CSPP1: variants seen among roughly 807,000 people sequenced by gnomAD.
The protein encoded by CSPP1 is centrosome and spindle pole associated protein 1.
A neutral mutation model predicts 164.4 loss-of-function variants in CSPP1; 126 were observed. That is an observed-to-expected ratio of 0.77 (90% confidence interval 0.66 to 0.89). The LOEUF is 0.89. Ranked by LOEUF, CSPP1 falls within the 40% of genes least tolerant of loss-of-function variation. The probability of loss-of-function intolerance (pLI) is 0.00; values close to 1 mark genes in which losing one functional copy is unlikely to be tolerated. For synonymous variants in CSPP1, 472 were observed against 476.7 expected, an observed-to-expected ratio of 0.99 and a Z score of 0.13; for missense variants, 1,395 against 1,449.8, an observed-to-expected ratio of 0.96 and a Z score of 0.61.
intron 25 of CSPP1, 177 bp downstream of exon 25, chr8:67,172,732 A>G (rs1303531343): frequency 5.5e-6 from 3 of 547,322 alleles, no homozygotes; most frequent in African/African-American, 3.8e-5. Context: ...AGTCTGGTAG[A>G]TGAAGCTTTA....
At chr8:67,144,807 G>A (rs147340036) in intron 17 of CSPP1, among the ~76,000 whole-genome samples, 2 of 151,902 alleles carry the variant, frequency 1.3e-5, no homozygotes, top group African/African-American at 4.8e-5. Context: ...GGCGGCTCAC[G>A]CCTGTAATCC....
chr8:67,134,342 C>A (rs1821805288), intron 16 of CSPP1: 1 of 152,148 alleles, frequency 6.6e-6, no homozygotes, highest in Non-Finnish European at 1.5e-5. Flanking sequence ...AGCATGACAA[C>A]AACATTAACC....
intron 17 of CSPP1, 147 bp from the exon 18 acceptor site, chr8:67,149,636 C>T (rs374146338): frequency 4.0e-5 from 20 of 495,608 alleles, no homozygotes; most frequent in East Asian, 3.9e-4. Context: ...TTTTGTTTCT[C>T]TTTTCAGGGC....
chr8:67,169,994 G>T (rs114438362), intron 24 of CSPP1, among the ~76,000 whole-genome samples: 2,304 of 151,982 alleles, frequency 0.015, 62 homozygotes, highest in African/African-American at 0.053. Flanking sequence ...GCAATACGTC[G>T]GCTTCTCAAA....
At chr8:67,088,125 G>A (rs541076573) in intron 4 of CSPP1, among the ~76,000 whole-genome samples, 1 of 151,966 alleles carries the variant, frequency 6.6e-6, no homozygotes, top group South Asian at 2.1e-4. Context: ...TTTTCCTCTG[G>A]TATCAGATAT....
chr8:67,077,510 T>C (rs1375866514), intron 3 of CSPP1, among the ~76,000 whole-genome samples: 4 of 152,090 alleles, frequency 2.6e-5, no homozygotes, highest in Non-Finnish European at 5.9e-5. Context: ...TAATTGTTTA[T>C]ATTTTTGGTA....
intron 17 of CSPP1, among the ~76,000 whole-genome samples, chr8:67,143,662 T>G (rs1823932716): frequency 6.6e-6 from 1 of 152,162 alleles, no homozygotes; most frequent in Admixed American, 6.6e-5. Context: ...ATTGTTTCCC[T>G]AAATATTTCA....
chr8:67,106,555 T>C (rs891286906), intron 9 of CSPP1, among the ~76,000 whole-genome samples: 4 of 152,226 alleles, frequency 2.6e-5, no homozygotes, highest in Admixed American at 6.5e-5. Context: ...GAAGGTGTTT[T>C]GTTCAAATCG....
At chr8:67,077,703 A>G (rs1422815166) in intron 3 of CSPP1, among the ~76,000 whole-genome samples, 1 of 152,242 alleles carries the variant, frequency 6.6e-6, no homozygotes, top group Admixed American at 6.5e-5. Flanking sequence ...TCACAAAAAG[A>G]AAATCAACTA....
chr8:67,111,928 A>C, intron 9 of CSPP1, 44 bp from the exon 10 acceptor site: 1 of 1,223,474 alleles, frequency 8.2e-7, no homozygotes, highest in Non-Finnish European at 1.2e-6. Context: ...ATTGCATACG[A>C]TGCTTAAGAG....
chr8:67,078,845 G>A (rs972292028), intron 3 of CSPP1, among the ~76,000 whole-genome samples: 1 of 151,950 alleles, frequency 6.6e-6, no homozygotes, highest in African/African-American at 2.4e-5. Context: ...TGGTGGCGCA[G>A]GCCTATAATC....
At chr8:67,104,450 G>A (rs759764026) in intron 8 of CSPP1, among the ~76,000 whole-genome samples, 10 of 151,812 alleles carry the variant, frequency 6.6e-5, no homozygotes, top group South Asian at 2.1e-4. Context: ...AAATTTTTTT[G>A]TAGAGTCAGG....
At position 67,076,619 on chromosome 8, in the gene CSPP1, C is replaced by T. The variant is rs999113119; in HGVS notation, c.199+38C>T. On this transcript the variant is annotated intron_variant, in intron 3 of 30. Transcript: ENST00000678616. ...ATGTGCTAAACTTATTTTAAGATAT[C>T]CTTAGTGGGCTCTTCTGAAAGAGGT... 2.8e-6 allele frequency: 3 copies of T among 1,074,488 alleles called. No individual in the cohort carries two copies. In the African/African-American group the frequency reaches 4.9e-5, roughly 18 times the overall value. 66.6% of individuals were successfully genotyped at this position (1,074,488 alleles called of 1,614,324 possible). A position where few individuals can be genotyped will look rare whatever the true frequency, so the allele number is the denominator to read the frequency against.
At chr8:67,169,449 T>C (rs529143447) in intron 24 of CSPP1, among the ~76,000 whole-genome samples, 2 of 152,294 alleles carry the variant, frequency 1.3e-5, no homozygotes, top group African/African-American at 4.8e-5. Flanking sequence ...TTTCTGTTTT[T>C]ATTTTTATTT....
intron 24 of CSPP1, among the ~76,000 whole-genome samples, chr8:67,172,114 G>T (rs1830580798): frequency 1.3e-5 from 2 of 150,936 alleles, no homozygotes; most frequent in African/African-American, 4.9e-5. Flanking sequence ...CTCCCAAAGT[G>T]CTGGGATTAT....
At chr8:67,107,321 T>C (rs1815780748) in intron 9 of CSPP1, among the ~76,000 whole-genome samples, 2 of 152,216 alleles carry the variant, frequency 1.3e-5, no homozygotes, top group Admixed American at 6.5e-5. Context: ...GTGCTGGGAT[T>C]ATAGGCGTGA....
In CSPP1 at chr8:67,086,116, G is replaced by C; in HGVS notation, c.303+6G>C. 8.4e-7 allele frequency: 1 copy of C among 1,194,840 alleles called. No homozygotes were observed. The highest frequency in any genetic ancestry group is 1.2e-5 in the South Asian group (1 of 82,722). 74.0% of individuals were successfully genotyped at this position (1,194,840 alleles called of 1,614,324 possible). A position where few individuals can be genotyped will look rare whatever the true frequency, so the allele number is the denominator to read the frequency against. Reference sequence around the variant, plus strand: ...ACAGACGTTATCTTACTCAGGTAATGAGTTCTATTAATGAGTTGGGTTTAA... The same window carrying C: ...ACAGACGTTATCTTACTCAGGTAATCAGTTCTATTAATGAGTTGGGTTTAA... On this transcript the variant is annotated splice_donor_region_variant and intron_variant, in intron 4 of 30. Coordinates refer to ENST00000678616, the MANE Select transcript of CSPP1 (RefSeq NM_001382391.1).
At chr8:67,112,091 A>C in intron 10 of CSPP1, 26 bp downstream of exon 10, 1 of 1,508,474 alleles carries the variant, frequency 6.6e-7, no homozygotes, top group Non-Finnish European at 9.2e-7. Context: ...CATTTAAAAG[A>C]GATATTTTGA....
intron 15 of CSPP1, among the ~76,000 whole-genome samples, chr8:67,125,074 CTTTA>C (rs1361656265): frequency 6.6e-6 from 1 of 152,022 alleles, no homozygotes; most frequent in African/African-American, 2.4e-5. Flanking sequence ...TACTGGCGTT[CTTTA>C]TTTGTTTGTG....
Sources: gnomAD v4.1 joint callset for allele counts (sites outside exome capture counted in the v4.1 genomes callset) on GRCh38, gnomAD v4.1.1 for gene constraint, MANE v1.5 for transcripts, NCBI Gene and HGNC (gene_info 2026-07-23, HGNC 2026-07-21) for gene names.